The following SLC4A4 variants were observed in gnomAD, a reference collection of about 807,000 sequenced individuals.
SLC4A4 encodes the protein solute carrier family 4 member 4, also known as electrogenic sodium bicarbonate cotransporter 1.
SLC4A4 carries 27 observed loss-of-function variants against 111.5 expected under a neutral mutation model. The observed-to-expected ratio is 0.24, with a 90% CI of 0.18 to 0.33. SLC4A4 has a LOEUF of 0.33. Ranked by LOEUF, SLC4A4 falls within the 10% of genes least tolerant of loss-of-function variation. The pLI is 1.00. For missense variants in SLC4A4, 909 were observed against 1,315.5 expected, an observed-to-expected ratio of 0.69 and a Z score of 4.78; for synonymous variants, 443 against 463.4, an observed-to-expected ratio of 0.96 and a Z score of 0.57.
chr4:71,164,839 A>T (rs1430496692), intron 2 of SLC4A4, among the ~76,000 whole-genome samples: 1 of 151,984 alleles, frequency 6.6e-6, no homozygotes, highest in Admixed American at 6.5e-5. Flanking sequence ...TCTACAAAGA[A>T]CTTAAACAAA....
intron 3 of SLC4A4, among the ~76,000 whole-genome samples, chr4:71,338,566 C>CTTTT (rs1213292062): frequency 1.8e-4 from 24 of 135,498 alleles, no homozygotes; most frequent in African/African-American, 6.2e-4. Flanking sequence ...TCTTCTTCTT[C>CTTTT]TTTTTTTTTT....
chr4:71,399,219 C>T (rs947799856), intron 7 of SLC4A4, among the ~76,000 whole-genome samples: 4 of 152,110 alleles, frequency 2.6e-5, no homozygotes, highest in South Asian at 2.1e-4. Context: ...CCAACATATA[C>T]TGAGGGATGA....
At chr4:71,261,681 T>C (rs905349685) in intron 3 of SLC4A4, among the ~76,000 whole-genome samples, 4 of 152,240 alleles carry the variant, frequency 2.6e-5, no homozygotes, top group African/African-American at 9.6e-5. Flanking sequence ...AATGCAGCTC[T>C]CTTGAAGTCA....
intron 16 of SLC4A4, among the ~76,000 whole-genome samples, chr4:71,515,950 ATC>A (rs1732338102): frequency 6.6e-6 from 1 of 151,752 alleles, no homozygotes; most frequent in Admixed American, 6.6e-5. Context: ...GTAGAATTTA[ATC>A]TGTTAATATT....
intron 6 of SLC4A4, among the ~76,000 whole-genome samples, chr4:71,393,816 C>T (rs1719535868): frequency 6.6e-6 from 1 of 152,120 alleles, no homozygotes; most frequent in Admixed American, 6.5e-5. Context: ...AAAATAGGCA[C>T]ATAGACCAAT....
chr4:71,199,082 G>C (rs1746135853), intron 1 of SLC4A4, among the ~76,000 whole-genome samples: 1 of 152,170 alleles, frequency 6.6e-6, no homozygotes, highest in South Asian at 2.1e-4. Context: ...TCTTTTCACA[G>C]AACTTTCTTC....
chr4:71,537,875 C>G (rs572161271), intron 18 of SLC4A4, among the ~76,000 whole-genome samples: 1 of 152,036 alleles, frequency 6.6e-6, no homozygotes, highest in Non-Finnish European at 1.5e-5. Flanking sequence ...AGGATTGGCA[C>G]GGTCTCTCTC....
chr4:71,539,337 A>G (rs1049332908), intron 18 of SLC4A4, among the ~76,000 whole-genome samples: 1 of 151,720 alleles, frequency 6.6e-6, no homozygotes, highest in African/African-American at 2.4e-5. Flanking sequence ...AAACTTTCAC[A>G]CTTTGGCCCC....
chr4:71,090,939 TG>T (rs1560714204), intron 1 of SLC4A4, among the ~76,000 whole-genome samples: 1 of 152,132 alleles, frequency 6.6e-6, no homozygotes, highest in Non-Finnish European at 1.5e-5. Context: ...AGGACATTTT[TG>T]TTTGTTTGTT....
intron 24 of SLC4A4, 105 bp from the exon 25 acceptor site, chr4:71,566,899 T>C: frequency 2.4e-6 from 2 of 846,716 alleles, no homozygotes; most frequent in South Asian, 1.5e-5. Flanking sequence ...ACTTGTCTTT[T>C]TTACTCTTAC....
intron 7 of SLC4A4, among the ~76,000 whole-genome samples, chr4:71,414,004 A>C (rs959275999): frequency 2.0e-5 from 3 of 152,172 alleles, no homozygotes; most frequent in African/African-American, 7.2e-5. Flanking sequence ...AGCTGTGGCC[A>C]TTCTTATCTG....
At chr4:71,092,289 A>G (rs1260148373) in intron 1 of SLC4A4, among the ~76,000 whole-genome samples, 2 of 152,196 alleles carry the variant, frequency 1.3e-5, no homozygotes, top group Non-Finnish European at 2.9e-5. Flanking sequence ...CATATGGTTG[A>G]TGGATTTCAA....
intron 16 of SLC4A4, among the ~76,000 whole-genome samples, chr4:71,512,096 A>G (rs1273523267): frequency 6.6e-6 from 1 of 152,036 alleles, no homozygotes; most frequent in African/African-American, 2.4e-5. Context: ...CAGATTTCCT[A>G]TCCCTTTGAT....
chr4:71,108,515 A>G (rs955458721), intron 2 of SLC4A4, among the ~76,000 whole-genome samples: 1 of 152,192 alleles, frequency 6.6e-6, no homozygotes, highest in Non-Finnish European at 1.5e-5. Flanking sequence ...TGATAATTGT[A>G]TTGAAGATTT....
chr4:71,469,234 T>TAA (rs1325261370), intron 13 of SLC4A4, among the ~76,000 whole-genome samples: 1 of 152,002 alleles, frequency 6.6e-6, no homozygotes, highest in East Asian at 1.9e-4. Context: ...CTAAGGTATA[T>TAA]AAAAACTTCA....
intron 2 of SLC4A4, among the ~76,000 whole-genome samples, chr4:71,131,152 A>G (rs1743689539): frequency 1.3e-5 from 2 of 152,152 alleles, no homozygotes; most frequent in Non-Finnish European, 2.9e-5. Flanking sequence ...CGGATGGGAG[A>G]GTGGGGATCT....
intron 2 of SLC4A4, among the ~76,000 whole-genome samples, chr4:71,249,686 C>G (rs1720925022): frequency 6.6e-6 from 1 of 151,980 alleles, no homozygotes; most frequent in South Asian, 2.1e-4. Context: ...GTCAGGAGTT[C>G]AAAACCAGCC....
chr4:71,069,463 T>C (rs1344628628), intron 1 of SLC4A4, among the ~76,000 whole-genome samples: 2 of 152,214 alleles, frequency 1.3e-5, no homozygotes, highest in Admixed American at 1.3e-4. Flanking sequence ...ATAACACTCT[T>C]GACAGGCTGC....
chr4:71,466,682 C>CA, intron 13 of SLC4A4, 105 bp downstream of exon 13: 2 of 1,173,772 alleles, frequency 1.7e-6, no homozygotes, highest in East Asian at 4.9e-5. Flanking sequence ...AAGAATCACT[C>CA]AGAATACTGG....
Sources: allele counts gnomAD v4.1 joint callset (sites outside exome capture counted in the v4.1 genomes callset), GRCh38; gene constraint gnomAD v4.1.1; transcripts MANE v1.5; gene names NCBI Gene and HGNC (gene_info 2026-07-23, HGNC 2026-07-21).